The following PHACTR1 variants were observed in gnomAD, a reference collection of about 807,000 sequenced individuals.
The protein encoded by PHACTR1 is RPEL repeat containing 1.
Under a neutral mutation model 69.2 loss-of-function variants are expected in PHACTR1, and 16 were observed. That is an observed-to-expected ratio of 0.23 (90% CI 0.16 to 0.35). PHACTR1 has a LOEUF of 0.35. Ranked by LOEUF, PHACTR1 falls within the 10% of genes least tolerant of loss-of-function variation. PHACTR1 has a pLI of 1.00. For synonymous variants in PHACTR1, 312 were observed against 284.5 expected, an observed-to-expected ratio of 1.10 and a Z score of -0.97; for missense variants, 510 against 734.7, an observed-to-expected ratio of 0.69 and a Z score of 3.54.
chr6:13,277,767 A>G (rs1487928169), intron 11 of PHACTR1, among the ~76,000 whole-genome samples: 2 of 152,112 alleles, frequency 1.3e-5, no homozygotes, highest in African/African-American at 4.8e-5. Context: ...GAACAACATC[A>G]TGAGACCCCC....
intron 12 of PHACTR1, chr6:13,281,083 C>T (rs1262092432): frequency 3.1e-6 from 4 of 1,289,460 alleles, no homozygotes; most frequent in African/African-American, 1.5e-5. Context: ...TGTCCAAGGC[C>T]CCGCGATGTT....
At position 12,818,377 on chromosome 6, in the gene PHACTR1, A is replaced by G. The variant is rs142381921; in HGVS notation, c.250+68587A>G. Among the ~76,000 whole-genome samples the G allele has an allele frequency of 5.9e-5, 9 of 152,216 alleles. No homozygotes were observed. In the East Asian group the frequency reaches 1.5e-3, roughly 26 times the overall value. ...TTGGCCTGTATCCAGGTAGTATTTC[A>G]TCTTCCAGGAGGCCAACCCAGACTT... On this transcript the variant is annotated intron_variant, in intron 4 of 14. Transcript: ENST00000332995.
chr6:12,870,671 T>C (rs978480638), intron 4 of PHACTR1, among the ~76,000 whole-genome samples: 1 of 152,176 alleles, frequency 6.6e-6, no homozygotes, highest in African/African-American at 2.4e-5. Flanking sequence ...TTTCTCTTTC[T>C]CCACCTTTGC....
chr6:13,117,818 C>T (rs985520840), intron 5 of PHACTR1, among the ~76,000 whole-genome samples: 2 of 152,198 alleles, frequency 1.3e-5, no homozygotes, highest in Admixed American at 1.3e-4. Flanking sequence ...TAATCTCCTT[C>T]CTTAGCCATC....
intron 4 of PHACTR1, among the ~76,000 whole-genome samples, chr6:12,754,128 ATTTTT>A (rs34841058): frequency 8.9e-5 from 10 of 112,400 alleles, no homozygotes; most frequent in Non-Finnish European, 1.2e-4. Flanking sequence ...ACGCCTGGCT[ATTTTT>A]TTTTTTTTTT....
intron 4 of PHACTR1, among the ~76,000 whole-genome samples, chr6:12,928,265 T>G (rs1788483836): frequency 6.6e-6 from 1 of 152,200 alleles, no homozygotes; most frequent in Non-Finnish European, 1.5e-5. Flanking sequence ...GGGCAAGATC[T>G]CTTTCCAAAG....
At chr6:12,963,467 C>A (rs1021892757) in intron 4 of PHACTR1, among the ~76,000 whole-genome samples, 14 of 146,248 alleles carry the variant, frequency 9.6e-5, no homozygotes, top group Non-Finnish European at 1.5e-4. Flanking sequence ...AAAAAAAAAA[C>A]AAACCAACTG....
chr6:12,826,597 G>A (rs771792130), intron 4 of PHACTR1, among the ~76,000 whole-genome samples: 1 of 152,082 alleles, frequency 6.6e-6, no homozygotes, highest in African/African-American at 2.4e-5. Flanking sequence ...TTGTTATAGG[G>A]TGTCCTTGAA....
chr6:13,087,085 A>G (rs1321375899), intron 5 of PHACTR1, among the ~76,000 whole-genome samples: 2 of 149,578 alleles, frequency 1.3e-5, no homozygotes, highest in East Asian at 3.9e-4. Flanking sequence ...TTTAAACTGA[A>G]CTGTTCATTT....
At chr6:13,099,920 G>C (rs916151784) in intron 5 of PHACTR1, among the ~76,000 whole-genome samples, 9 of 152,136 alleles carry the variant, frequency 5.9e-5, no homozygotes, top group Admixed American at 4.6e-4. Flanking sequence ...AATCAGGAAG[G>C]GTTGTTGATT....
intron 8 of PHACTR1, among the ~76,000 whole-genome samples, chr6:13,214,543 A>G (rs942683999): frequency 6.6e-6 from 1 of 152,236 alleles, no homozygotes; most frequent in Non-Finnish European, 1.5e-5. Flanking sequence ...AAGATCGCTA[A>G]GGTGTAGGGA....
intron 4 of PHACTR1, among the ~76,000 whole-genome samples, chr6:12,784,447 T>G (rs1454924919): frequency 1.3e-5 from 2 of 151,822 alleles, no homozygotes; most frequent in Admixed American, 6.6e-5. Flanking sequence ...CACATATCTA[T>G]ACACATATAC....
At chr6:13,263,105 A>AG (rs1776123697) in intron 10 of PHACTR1, among the ~76,000 whole-genome samples, 1 of 152,214 alleles carries the variant, frequency 6.6e-6, no homozygotes, top group Non-Finnish European at 1.5e-5. Flanking sequence ...TCACTTCTCT[A>AG]GGGAGATGCT....
intron 4 of PHACTR1, among the ~76,000 whole-genome samples, chr6:12,980,675 C>T (rs760406746): frequency 2.0e-5 from 3 of 151,966 alleles, no homozygotes; most frequent in South Asian, 2.1e-4. Context: ...AAAAAGTCTA[C>T]GAAAACTATT....
At chr6:13,130,497 A>T (rs910249734) in intron 5 of PHACTR1, among the ~76,000 whole-genome samples, 1 of 152,154 alleles carries the variant, frequency 6.6e-6, no homozygotes, top group African/African-American at 2.4e-5. Flanking sequence ...ATACCACAGA[A>T]ATACAAAAGA....
chr6:12,780,791 G>A (rs1770720226), intron 4 of PHACTR1, among the ~76,000 whole-genome samples: 1 of 152,168 alleles, frequency 6.6e-6, no homozygotes, highest in Non-Finnish European at 1.5e-5. Flanking sequence ...CATACACAAA[G>A]CTTAAATGGA....
chr6:12,724,448 C>T (rs1762529115), intron 3 of PHACTR1, among the ~76,000 whole-genome samples: 1 of 152,238 alleles, frequency 6.6e-6, no homozygotes, highest in Non-Finnish European at 1.5e-5. Flanking sequence ...ATCCTATGCT[C>T]ATGTTGCAGA....
At chr6:12,860,267 T>A (rs1169312281) in intron 4 of PHACTR1, among the ~76,000 whole-genome samples, 1 of 152,134 alleles carries the variant, frequency 6.6e-6, no homozygotes, top group Admixed American at 6.5e-5. Context: ...TCTGTTCCTA[T>A]GTTAGTTTGC....
At chr6:13,176,278 A>G (rs901629025) in intron 6 of PHACTR1, among the ~76,000 whole-genome samples, 33 of 152,248 alleles carry the variant, frequency 2.2e-4, no homozygotes, top group African/African-American at 7.5e-4. Context: ...GCCAACCTGC[A>G]CTCATATTTC....
Sources: gnomAD v4.1 joint callset for allele counts (sites outside exome capture counted in the v4.1 genomes callset) on GRCh38, gnomAD v4.1.1 for gene constraint, MANE v1.5 for transcripts, NCBI Gene and HGNC (gene_info 2026-07-23, HGNC 2026-07-21) for gene names.